FBXO38: variants seen among roughly 807,000 people sequenced by gnomAD.
The protein encoded by FBXO38 is F-box protein 38, also known as F-box only protein 38.
Under a neutral mutation model 131.9 loss-of-function variants are expected in FBXO38, and 53 were observed. The observed-to-expected ratio is 0.40, with a 90% CI of 0.32 to 0.51. FBXO38 has a LOEUF of 0.51. Among genes scored for constraint, FBXO38 ranks in the 20% least tolerant of loss-of-function variants. The pLI, the probability that FBXO38 is intolerant of heterozygous loss-of-function variation, is 0.53. For synonymous variants in FBXO38, 452 were observed against 505.6 expected (o/e 0.89, Z 1.42); for missense variants, 1,076 against 1,475.6 (o/e 0.73, Z 4.44).
At position 148,442,537 on chromosome 5, in the gene FBXO38, G is replaced by A. The variant is rs1416145091; in HGVS notation, c.*390G>A. ...TGCCTTTTTCTTCTTGAGCGAAGCTGTTTGAGTAAACCTGTTGAAGAGTGT... is the reference window on the plus strand; with the variant it reads ...TGCCTTTTTCTTCTTGAGCGAAGCTATTTGAGTAAACCTGTTGAAGAGTGT... On this transcript the variant is annotated 3_prime_UTR_variant, in exon 22 of 22. Coordinates refer to ENST00000340253, the MANE Select transcript of FBXO38 (RefSeq NM_205836.3). 1 of 157,080 alleles carries A rather than the reference G, an allele frequency of 6.4e-6. No homozygotes were observed. The highest frequency in any genetic ancestry group is 2.4e-5 in the African/African-American group (1 of 41,500). The allele number at this position is 157,080 out of a possible 1,614,324, so 9.7% of individuals were successfully genotyped here. A position where few individuals can be genotyped will look rare whatever the true frequency, so the allele number is the denominator to read the frequency against.
At chr5:148,427,992 A>G in intron 15 of FBXO38, 45 bp downstream of exon 15, 1 of 1,445,260 alleles carries the variant, frequency 6.9e-7, no homozygotes. Flanking sequence ...GTAGGGCTGC[A>G]GAAAGGCATG....
At chr5:148,398,321 T>C (rs1166852145) in intron 2 of FBXO38, among the ~76,000 whole-genome samples, 1 of 151,808 alleles carries the variant, frequency 6.6e-6, no homozygotes, top group African/African-American at 2.4e-5. Context: ...AAAGTCAGGA[T>C]TAATTGAAAG....
intron 3 of FBXO38, among the ~76,000 whole-genome samples, chr5:148,401,504 G>A (rs917426784): frequency 6.6e-6 from 1 of 152,142 alleles, no homozygotes; most frequent in Non-Finnish European, 1.5e-5. Flanking sequence ...ATTTGAGATA[G>A]GAATTAGGTC....
In FBXO38 at chr5:148,433,492, A is replaced by G; in HGVS notation, c.2722A>G (p.Ser908Gly). The G allele has an allele frequency of 6.2e-7, 1 of 1,613,916 alleles. No individual in the cohort carries two copies. The highest frequency in any genetic ancestry group is 8.5e-7 in the Non-Finnish European group (1 of 1,179,820). The change falls in exon 16 of 22, where the codon AGT becomes GGT. Residue 908 changes from serine (S) to glycine (G), a missense_variant. Physicochemically the swap from Ser to Gly is moderately conservative, Grantham distance 56. Around this residue, in one of 8 missense-constraint regions of FBXO38, gnomAD observed 282 missense variants for 418.8 expected, o/e 0.67. Transcript: ENST00000340253. ...KRTADKSTSTSDPVIEDDHVQ... is the reference protein window; with the variant it reads ...KRTADKSTSTGDPVIEDDHVQ... Reference sequence around the variant, plus strand: ...GACAGCAGATAAATCCACTAGTACAAGTGATCCTGTGATCGAGGATGACCA... The same window carrying G: ...GACAGCAGATAAATCCACTAGTACAGGTGATCCTGTGATCGAGGATGACCA...
intron 12 of FBXO38, among the ~76,000 whole-genome samples, chr5:148,417,831 A>C (rs1403611371): frequency 6.6e-6 from 1 of 152,134 alleles, no homozygotes; most frequent in Non-Finnish European, 1.5e-5. Context: ...TTTGTTACCA[A>C]ATTTTCCAGT....
rs550870439 is a variant in FBXO38, at chr5:148,415,154, T to C, written c.1265-774T>C. Among the ~76,000 whole-genome samples, 8 of 152,284 alleles carry C rather than the reference T, an allele frequency of 5.3e-5. No individual in the cohort carries two copies. The South Asian group carries it at 1.7e-3, about 32-fold the overall frequency. ...GCTGAACCAAGAAGTTATTGGGAAATATGAACTTTAGGATGTAGCAGGCGT... is the reference window on the plus strand; with the variant it reads ...GCTGAACCAAGAAGTTATTGGGAAACATGAACTTTAGGATGTAGCAGGCGT... On this transcript the variant is annotated intron_variant, in intron 10 of 21. Coordinates refer to ENST00000340253, the MANE Select transcript of FBXO38 (RefSeq NM_205836.3).
intron 10 of FBXO38, among the ~76,000 whole-genome samples, chr5:148,415,168 T>C (rs1449763371): frequency 6.6e-6 from 1 of 152,214 alleles, no homozygotes. Context: ...AACTTTAGGA[T>C]GTAGCAGGCG....
chr5:148,400,400 C>T lies in FBXO38; in HGVS notation c.262+1268C>T, dbSNP rs180986266. Among the ~76,000 whole-genome samples the T allele has an allele frequency of 1.1e-4, 17 of 152,232 alleles. No individual in the cohort carries two copies. In the South Asian group the frequency reaches 2.3e-3, roughly 20 times the overall value. ...AGTATATAAAGACAGGATGGCAGAA[C>T]TCCCATGTGATATAGTCTTACCATT... On this transcript the variant is annotated intron_variant, in intron 3 of 21. Transcript: ENST00000340253.
In FBXO38 at chr5:148,414,369, T is replaced by G; in HGVS notation, c.1264+63T>G. 4.5e-6 allele frequency: 6 copies of G among 1,333,794 alleles called. No homozygotes were observed. The South Asian group carries it at 8.6e-5, about 19-fold the overall frequency. The allele number at this position is 1,333,794 out of a possible 1,614,324, so 82.6% of individuals were successfully genotyped here. A position where few individuals can be genotyped will look rare whatever the true frequency, so the allele number is the denominator to read the frequency against. ...TACTGAAATAATACAACTTTCCATG[T>G]TTTCTATGTGTGATATGATTGCATT... On this transcript the variant is annotated intron_variant, in intron 10 of 21. Coordinates refer to ENST00000340253, the MANE Select transcript of FBXO38 (RefSeq NM_205836.3).
Position 148,436,249 on chromosome 5 carries a change from T to TA in FBXO38, c.2858-2082dup, listed in dbSNP as rs147256087. 8.1e-3 allele frequency among the ~76,000 whole-genome samples: 1,233 copies of TA among 152,168 alleles called. 21 individuals carry two copies. The highest frequency in any genetic ancestry group is 0.028 in the African/African-American group (1,180 of 41,528). ...AAAATGAGAAATGCCTGTATATGTA[T>TA]ATATATACATGACATATGCACACAC... is the stretch of plus-strand genomic sequence containing the variant. On this transcript the variant is annotated intron_variant, in intron 17 of 21. Coordinates refer to ENST00000340253, the MANE Select transcript of FBXO38 (RefSeq NM_205836.3).
intron 2 of FBXO38, among the ~76,000 whole-genome samples, chr5:148,395,516 G>A (rs1444285234): frequency 6.6e-6 from 1 of 150,648 alleles, no homozygotes; most frequent in Non-Finnish European, 1.5e-5. Context: ...AGTTTCCACT[G>A]CTCTCTTCTT....
intron 3 of FBXO38, among the ~76,000 whole-genome samples, chr5:148,400,534 G>A (rs965375327): frequency 2.0e-5 from 3 of 152,114 alleles, no homozygotes; most frequent in African/African-American, 7.2e-5. Context: ...TGCAATGAAT[G>A]TAAAAGAGAG....
At chr5:148,440,942 A>G (rs1356809441) in intron 20 of FBXO38, among the ~76,000 whole-genome samples, 182 bp from the exon 21 acceptor site, 1 of 152,238 alleles carries the variant, frequency 6.6e-6, no homozygotes, top group Non-Finnish European at 1.5e-5. Flanking sequence ...GGACAATCAG[A>G]ACCAGTGATG....
intron 1 of FBXO38, among the ~76,000 whole-genome samples, chr5:148,387,804 G>C (rs1757994067): frequency 6.8e-6 from 1 of 147,492 alleles, no homozygotes; most frequent in Admixed American, 7.0e-5. Flanking sequence ...CAATTCTCCT[G>C]CCTCAGCCTC....
chr5:148,386,340 C>T (rs887263460), intron 1 of FBXO38, among the ~76,000 whole-genome samples: 2 of 152,144 alleles, frequency 1.3e-5, no homozygotes, highest in African/African-American at 4.8e-5. Context: ...ACTATTTAAT[C>T]TTGGGCAAGT....
Position 148,427,715 on chromosome 5 carries a change from C to T in FBXO38, c.2421C>T (p.Gly807=). The change falls in exon 15 of 22, where the codon GGC becomes GGT. Residue 807 remains glycine (G), a synonymous_variant. Coordinates refer to ENST00000340253, the MANE Select transcript of FBXO38 (RefSeq NM_205836.3). ...PSTSRACVVN[G]PDGTRSAFSF... ...CCAGCCGAGCCTGTGTTGTGAATGG[C>T]CCGGATGGTACGAGATCCGCCTTTT... 2.5e-6 allele frequency: 4 copies of T among 1,614,130 alleles called. No homozygotes were observed. Among genetic ancestry groups the T allele is most frequent in the Non-Finnish European group, 3.4e-6 (4 of 1,180,006 alleles).
At chr5:148,402,213 C>T (rs748345818) in intron 4 of FBXO38, 68 bp downstream of exon 4, 257 of 1,558,138 alleles carry the variant, frequency 1.6e-4, no homozygotes, top group Non-Finnish European at 2.0e-4. Flanking sequence ...GAATGATAGA[C>T]GTGTTCACTC....
chr5:148,394,841 C>G lies in FBXO38; in HGVS notation c.65C>G (p.Thr22Arg), dbSNP rs1758395729. The change falls in exon 2 of 22, where the codon ACA becomes AGA. Residue 22 changes from threonine to arginine, a missense_variant. Thr to Arg is a moderately conservative substitution (Grantham distance 71). Coordinates refer to ENST00000340253, the MANE Select transcript of FBXO38 (RefSeq NM_205836.3). The stretch of plus-strand genomic sequence containing the variant: ...AATAATGAAATTCCAGAAGAAATGA[C>G]AGCAGATGAAACAAAGGACTATATG... ...IMNNEIPEEMTADETKDYMNQ... is the reference protein window; with the variant it reads ...IMNNEIPEEMRADETKDYMNQ... The G allele has an allele frequency of 6.2e-7, 1 of 1,602,468 alleles. No homozygotes were observed. The highest frequency in any genetic ancestry group is 1.1e-5 in the South Asian group (1 of 89,196).
intron 1 of FBXO38, chr5:148,390,040 A>T (rs1048478021): frequency 6.6e-6 from 1 of 152,322 alleles, no homozygotes; most frequent in Non-Finnish European, 1.5e-5. Flanking sequence ...AAGAAAAAAA[A>T]AAAAAAAGGT....
Sources: gnomAD v4.1 joint callset for allele counts (sites outside exome capture counted in the v4.1 genomes callset) on GRCh38, gnomAD v4.1.1 for gene constraint, gnomAD v4.1.1 regional missense constraint, MANE v1.5 for transcripts, NCBI Gene and HGNC (gene_info 2026-07-23, HGNC 2026-07-21) for gene names.